Variants in ZSCAN2 observed in about 807,000 individuals in gnomAD.
ZSCAN2 encodes zinc finger and SCAN domain containing 2.
A neutral mutation model predicts 47.8 loss-of-function variants in ZSCAN2; 26 were observed. The ratio of observed to expected loss-of-function variants is 0.54; its 90% confidence interval spans 0.40 to 0.75. The LOEUF is 0.75. Ranked by LOEUF, ZSCAN2 falls within the 30% of genes least tolerant of loss-of-function variation. The pLI is 0.00. For missense variants in ZSCAN2, 732 were observed against 785.4 expected (o/e 0.93, Z 0.81); for synonymous variants, 305 against 288.7 (o/e 1.06, Z -0.57).
chr15:84,602,056 C>A (rs1378597067), intron 1 of ZSCAN2: 1 of 150,744 alleles, frequency 6.6e-6, no homozygotes, highest in Non-Finnish European at 1.5e-5. Context: ...CGGGTTCAAG[C>A]GATTCTCCTG....
intron 2 of ZSCAN2, among the ~76,000 whole-genome samples, chr15:84,619,202 C>T (rs751254271): frequency 4.3e-4 from 66 of 152,076 alleles, no homozygotes; most frequent in South Asian, 2.1e-4. Context: ...GAGGCCGAGG[C>T]GGGCGGATCA....
chr15:84,614,514 A>C (rs560978164), intron 2 of ZSCAN2: 1 of 152,336 alleles, frequency 6.6e-6, no homozygotes, highest in East Asian at 1.9e-4. Context: ...TTTAGTCTTC[A>C]TTCTAAAGTT....
At chr15:84,611,313 AG>A (rs1895542070) in intron 2 of ZSCAN2, among the ~76,000 whole-genome samples, 1 of 152,014 alleles carries the variant, frequency 6.6e-6, no homozygotes, top group South Asian at 2.1e-4. Flanking sequence ...TTAATTAGCC[AG>A]GCATGGTGGC....
chr15:84,606,698 A>G (rs769001090), intron 2 of ZSCAN2: 62 of 1,501,610 alleles, frequency 4.1e-5, no homozygotes, highest in Non-Finnish European at 4.9e-5. Context: ...AGCAGGTGTC[A>G]GAGGTGATTA....
intron 1 of ZSCAN2, 40 bp from the exon 2 acceptor site, chr15:84,603,780 A>G: frequency 1.1e-6 from 1 of 951,034 alleles, no homozygotes; most frequent in Non-Finnish European, 1.5e-6. Context: ...GCTTTAGGAC[A>G]GTCTACCTAT....
At chr15:84,618,870 A>G (rs1276757553) in intron 2 of ZSCAN2, among the ~76,000 whole-genome samples, 3 of 152,024 alleles carry the variant, frequency 2.0e-5, no homozygotes, top group African/African-American at 7.2e-5. Context: ...GGTGTCAGTC[A>G]TTAATTTCTA....
At chr15:84,620,164 G>C (rs1895784093) in intron 2 of ZSCAN2, among the ~76,000 whole-genome samples, 1 of 151,986 alleles carries the variant, frequency 6.6e-6, no homozygotes, top group Non-Finnish European at 1.5e-5. Context: ...TCTTCATTCA[G>C]CTCCTGCTTA....
At chr15:84,604,458 C>A in intron 2 of ZSCAN2, 125 bp downstream of exon 2, 1 of 1,235,846 alleles carries the variant, frequency 8.1e-7, no homozygotes, top group South Asian at 1.5e-5. Flanking sequence ...TCCCTCTGCT[C>A]TGTCTGCAGG....
At position 84,621,795 on chromosome 15, in the gene ZSCAN2, A is replaced by G; in HGVS notation, c.1600A>G (p.Met534Val). The G allele has an allele frequency of 1.2e-6, 2 of 1,614,126 alleles. No homozygotes were observed. The highest frequency in any genetic ancestry group is 4.5e-5 in the East Asian group (2 of 44,882). The change falls in exon 3 of 3, where the codon ATG becomes GTG. Residue 534 changes from methionine (M) to valine (V), a missense_variant. Physicochemically the swap from Met to Val is conservative, Grantham distance 21 (BLOSUM62 1). Transcript: ENST00000546148. The surrounding 1 kb of genome is among the most constrained non-coding windows in gnomAD (Gnocchi z 5.7). The stretch of plus-strand genomic sequence containing the variant: ...GGGCGAGAAGCCCTACAAATGCCTC[A>G]TGTGCGGCAAGAGCTTCAGCCGGGG... ...HTGEKPYKCL[M>V]CGKSFSRGSI...
rs2141799223 is a variant in ZSCAN2 at position 84,620,755 on chromosome 15, T to C, written c.560T>C (p.Leu187Pro). Residue 187 changes from leucine to proline, a missense_variant, in exon 3 of 3, where the codon CTC becomes CCC. Physicochemically the swap from Leu to Pro is moderately conservative, Grantham distance 98. Around this residue, in one of 2 missense-constraint regions of ZSCAN2, gnomAD observed 320 missense variants for 287.4 expected, o/e 1.11. Coordinates refer to ENST00000546148, the MANE Select transcript of ZSCAN2 (RefSeq NM_181877.4). The part of the protein sequence containing the change: ...DFERDAGIQR[L>P]QGHSPGEDHG... ...GAGAGAGATGCTGGCATCCAGAGGCTCCAGGGACACAGCCCAGGTGAGGAC... is the reference window on the plus strand; with the variant it reads ...GAGAGAGATGCTGGCATCCAGAGGCCCCAGGGACACAGCCCAGGTGAGGAC... 1.2e-6 allele frequency: 2 copies of C among 1,614,182 alleles called. No individual in the cohort carries two copies. The highest frequency in any genetic ancestry group is 1.7e-6 in the Non-Finnish European group (2 of 1,180,024).
chr15:84,604,130 A>C lies in ZSCAN2; in HGVS notation c.203A>C (p.Glu68Ala), dbSNP rs146540564. 5 of 1,613,856 alleles carry C rather than the reference A, an allele frequency of 3.1e-6. No homozygotes were observed. The African/African-American group carries it at 4.0e-5, about 13-fold the overall frequency. The change falls in exon 2 of 3, where the codon GAG becomes GCG. Residue 68 changes from glutamate (E) to alanine (A), a missense_variant. This residue lies in a region of ZSCAN2 where 320 missense variants were observed against 287.4 expected (regional missense o/e 1.11). Coordinates refer to ENST00000546148, the MANE Select transcript of ZSCAN2 (RefSeq NM_181877.4). ...GCTGGCAAGGGCGGCCCCCAGGAGGAGGTGACCAGGGGACCACAGGGTGCA... is the reference window on the plus strand; with the variant it reads ...GCTGGCAAGGGCGGCCCCCAGGAGGCGGTGACCAGGGGACCACAGGGTGCA... ...QSAGKGGPQE[E>A]VTRGPQGALG...
Position 84,620,924 on chromosome 15 carries a change from C to T in ZSCAN2, c.729C>T (p.Thr243=), listed in dbSNP as rs372820243. 27 of 1,613,988 alleles carry T rather than the reference C, an allele frequency of 1.7e-5. No individual in the cohort carries two copies. In the African/African-American group the frequency reaches 3.5e-4, roughly 21 times the overall value. Residue 243 remains threonine, a synonymous_variant, in exon 3 of 3, where the codon ACC becomes ACT. Coordinates refer to ENST00000546148, the MANE Select transcript of ZSCAN2 (RefSeq NM_181877.4). ...CCCACCTCATCACACACGAGAGGAC[C>T]CACACAGGAGAGAAATACTACAAAT... is the stretch of plus-strand genomic sequence containing the variant. The part of the protein sequence containing the change: ...RKSHLITHER[T]HTGEKYYKCD...
In ZSCAN2 at chr15:84,603,923, T is replaced by C. The variant is rs750177411; in HGVS notation, c.-5T>C. On this transcript the variant is annotated 5_prime_UTR_variant, in exon 2 of 3. Transcript: ENST00000546148. ...GAAGCCTAAGTGATTGCCCCAGGACTGTGGATGATGGCTGCAGACATCCCG... is the reference window on the plus strand; with the variant it reads ...GAAGCCTAAGTGATTGCCCCAGGACCGTGGATGATGGCTGCAGACATCCCG... The C allele has an allele frequency of 1.3e-5, 21 of 1,611,664 alleles. No individual in the cohort carries two copies. Among genetic ancestry groups the C allele is most frequent in the Non-Finnish European group, 1.8e-5 (21 of 1,178,732 alleles).
rs1226808768 is a variant in ZSCAN2, at chr15:84,622,455, T to A, written c.*415T>A. The A allele has an allele frequency of 1.6e-6, 1 of 616,000 alleles. No individual in the cohort carries two copies. The highest frequency in any genetic ancestry group is 2.9e-6 in the Non-Finnish European group (1 of 339,330). The allele number at this position is 616,000 out of a possible 1,614,324, so 38.2% of individuals were successfully genotyped here. A position where few individuals can be genotyped will look rare whatever the true frequency, so the allele number is the denominator to read the frequency against. ...ATTGGTGTGGTTCTGGTTGTTTTGT[T>A]GTTTTGCTGCCACGTTGTTGGGCTA... On this transcript the variant is annotated 3_prime_UTR_variant, in exon 3 of 3. Transcript: ENST00000546148.
At chr15:84,616,428 T>C (rs1221011205) in intron 2 of ZSCAN2, 2 of 1,575,404 alleles carry the variant, frequency 1.3e-6, no homozygotes, top group Non-Finnish European at 1.7e-6. Flanking sequence ...CAGGAAGTGA[T>C]TTTCTGCCTG....
Position 84,622,095 on chromosome 15 carries a change from C to T in ZSCAN2, c.*55C>T, listed in dbSNP as rs758833953. On this transcript the variant is annotated 3_prime_UTR_variant, in exon 3 of 3. Transcript: ENST00000546148. Reference sequence around the variant, plus strand: ...CCTGGAGTGGGAGTTGCCACACTGCCCCAACAGTGATTCCCTTTCAAAGAG... The same window carrying T: ...CCTGGAGTGGGAGTTGCCACACTGCTCCAACAGTGATTCCCTTTCAAAGAG... The T allele has an allele frequency of 2.6e-5, 37 of 1,413,232 alleles. No homozygotes were observed. Among genetic ancestry groups the T allele is most frequent in the Non-Finnish European group, 3.5e-5 (36 of 1,033,618 alleles). The allele number at this position is 1,413,232 out of a possible 1,614,324, so 87.5% of individuals were successfully genotyped here. A position where few individuals can be genotyped will look rare whatever the true frequency, so the allele number is the denominator to read the frequency against.
chr15:84,616,543 A>T, intron 2 of ZSCAN2: 1 of 1,318,720 alleles, frequency 7.6e-7, no homozygotes, highest in Non-Finnish European at 9.7e-7. Context: ...GGAAGCCCTG[A>T]CATGTATTTT....
rs1895285560 is a variant in ZSCAN2, at chr15:84,603,810, T to G, written c.-108-10T>G. 1.6e-6 allele frequency: 2 copies of G among 1,244,216 alleles called. No individual in the cohort carries two copies. Among genetic ancestry groups the G allele is most frequent in the Non-Finnish European group, 2.2e-6 (2 of 896,356 alleles). 77.1% of individuals were successfully genotyped at this position (1,244,216 alleles called of 1,614,324 possible). On this transcript the variant is annotated splice_polypyrimidine_tract_variant and intron_variant, in intron 1 of 2. Transcript: ENST00000546148. ...ACCTATGGATTATGGTTCTCTTTTTTGTTTCTCAGCGGGACTACTTGTTGA... is the reference window on the plus strand; with the variant it reads ...ACCTATGGATTATGGTTCTCTTTTTGGTTTCTCAGCGGGACTACTTGTTGA...
rs1213779804 is a variant in ZSCAN2 at position 84,621,282 on chromosome 15, G to A, written c.1087G>A (p.Glu363Lys). 8.7e-6 allele frequency: 14 copies of A among 1,613,604 alleles called. No individual in the cohort carries two copies. The highest frequency in any genetic ancestry group is 2.7e-5 in the African/African-American group (2 of 74,712). Residue 363 changes from glutamate to lysine, a missense_variant, in exon 3 of 3, where the codon GAA (glutamate) becomes AAA (lysine). Transcript: ENST00000546148. This position sits in a 1 kb window ranked among gnomAD's most constrained non-coding sequence, Gnocchi z 5.7. ...GATCCACACTGGAGAAAAGCCCTACGAATGTAAAGAATGCGGCGAAAGCTT... is the reference window on the plus strand; with the variant it reads ...GATCCACACTGGAGAAAAGCCCTACAAATGTAAAGAATGCGGCGAAAGCTT... ...QGIHTGEKPY[E>K]CKECGESFSY...
Sources: allele counts gnomAD v4.1 joint callset (sites outside exome capture counted in the v4.1 genomes callset), GRCh38; gene constraint gnomAD v4.1.1; regional missense constraint gnomAD v4.1.1; non-coding constraint Gnocchi (gnomAD v3.1); transcripts MANE v1.5; gene names NCBI Gene and HGNC (gene_info 2026-07-23, HGNC 2026-07-21).